Variants in ENOX1 observed in about 807,000 individuals in gnomAD.
ENOX1 encodes the protein candidate growth-related and time keeping constitutive hydroquinone (NADH) oxidase.
A neutral mutation model predicts 82.5 loss-of-function variants in ENOX1; 42 were observed. The ratio of observed to expected loss-of-function variants is 0.51; its 90% CI spans 0.40 to 0.66. ENOX1 has a LOEUF of 0.66. Ranked by LOEUF, ENOX1 falls within the 30% of genes least tolerant of loss-of-function variation. The pLI, the probability that ENOX1 is intolerant of heterozygous loss-of-function variation, is 0.00. For missense variants in ENOX1, 608 were observed against 811.6 expected, an observed-to-expected ratio of 0.75 and a Z score of 3.05; for synonymous variants, 271 against 282.2, an observed-to-expected ratio of 0.96 and a Z score of 0.40.
At chr13:43,335,658 G>A (rs1417454474) in intron 9 of ENOX1, among the ~76,000 whole-genome samples, 1 of 150,290 alleles carries the variant, frequency 6.7e-6, no homozygotes, top group Non-Finnish European at 1.5e-5. Context: ...GTTCCAGAGT[G>A]TAAGACTTGA....
chr13:43,635,210 A>G (rs2083368831), intron 2 of ENOX1, among the ~76,000 whole-genome samples: 1 of 152,220 alleles, frequency 6.6e-6, no homozygotes, highest in Non-Finnish European at 1.5e-5. Flanking sequence ...GGGGTATAAG[A>G]GAAAAACTCT....
At chr13:43,457,318 A>G (rs1420884769) in intron 3 of ENOX1, among the ~76,000 whole-genome samples, 4 of 152,186 alleles carry the variant, frequency 2.6e-5, no homozygotes, top group Non-Finnish European at 5.9e-5. Context: ...TGACAAAATC[A>G]TTTTACTTCT....
chr13:43,651,748 A>G (rs867059221), intron 2 of ENOX1, among the ~76,000 whole-genome samples: 6 of 150,364 alleles, frequency 4.0e-5, no homozygotes, highest in Middle Eastern at 3.4e-3. Flanking sequence ...CACGGTGGGC[A>G]GATCTCTTGA....
At chr13:43,621,513 C>T (rs913734236) in intron 2 of ENOX1, among the ~76,000 whole-genome samples, 1 of 152,248 alleles carries the variant, frequency 6.6e-6, no homozygotes, top group South Asian at 2.1e-4. Flanking sequence ...ATATATAATG[C>T]TTAGTTTCAC....
At chr13:43,670,603 C>CA (rs936433231) in intron 1 of ENOX1, among the ~76,000 whole-genome samples, 8 of 152,106 alleles carry the variant, frequency 5.3e-5, no homozygotes, top group African/African-American at 1.9e-4. Flanking sequence ...CCTGTAATCC[C>CA]AGCACTTTGG....
intron 8 of ENOX1, among the ~76,000 whole-genome samples, chr13:43,348,866 TAAAG>T (rs1175871506): frequency 6.6e-6 from 1 of 152,184 alleles, no homozygotes; most frequent in African/African-American, 2.4e-5. Flanking sequence ...TTCTTCACAA[TAAAG>T]AAAGAAATTG....
intron 10 of ENOX1, among the ~76,000 whole-genome samples, chr13:43,323,476 A>G (rs931486521): frequency 3.3e-5 from 5 of 152,234 alleles, no homozygotes; most frequent in African/African-American, 9.6e-5. Context: ...AGATTAAAGA[A>G]TTACACAGGA....
At chr13:43,449,361 T>G (rs2056831647) in intron 3 of ENOX1, among the ~76,000 whole-genome samples, 1 of 152,186 alleles carries the variant, frequency 6.6e-6, no homozygotes, top group Admixed American at 6.5e-5. Context: ...ACAAGTCAAA[T>G]TTTAGACACT....
intron 2 of ENOX1, among the ~76,000 whole-genome samples, chr13:43,542,099 T>C (rs1441769838): frequency 6.6e-6 from 1 of 152,182 alleles, no homozygotes; most frequent in Non-Finnish European, 1.5e-5. Context: ...ACAGTAGAGA[T>C]GCCAGAGGTC....
intron 2 of ENOX1, among the ~76,000 whole-genome samples, chr13:43,643,623 A>ATG (rs1158154565): frequency 8.7e-4 from 127 of 146,816 alleles, no homozygotes; most frequent in South Asian, 2.9e-3. Context: ...ATATGTATGT[A>ATG]TGTGTGTGTG....
At chr13:43,616,039 T>G (rs1432833564) in intron 2 of ENOX1, among the ~76,000 whole-genome samples, 1 of 145,126 alleles carries the variant, frequency 6.9e-6, no homozygotes. Flanking sequence ...TTGTGAACAG[T>G]GCTGCAATAA....
chr13:43,402,620 G>T (rs9525767), intron 5 of ENOX1, among the ~76,000 whole-genome samples: 54,129 of 152,024 alleles, frequency 0.36, 13,139 homozygotes, highest in East Asian at 0.66. Context: ...CTGTAAACTA[G>T]AAGGCAGGCT....
rs534144473 is a variant in ENOX1, at chr13:43,750,893, G to A, written c.-285+35759C>T. 9.2e-5 allele frequency among the ~76,000 whole-genome samples: 14 copies of A among 152,286 alleles called. No individual in the cohort carries two copies. The East Asian group carries it at 2.5e-3, about 27-fold the overall frequency. ...ATCCTACATATCCTTAATCACTGTA[G>A]TTTAGCATTCATTCTAGTGAGAATA... On this transcript the variant is annotated intron_variant, in intron 1 of 16. Coordinates refer to ENST00000690772, the MANE Select transcript of ENOX1 (RefSeq NM_001347969.2).
chr13:43,665,632 T>C (rs9567243), intron 2 of ENOX1, among the ~76,000 whole-genome samples: 58,706 of 151,654 alleles, frequency 0.39, 14,345 homozygotes, highest in Non-Finnish European at 0.55. Context: ...GGCATGTAAA[T>C]TGGCAGTTCA....
chr13:43,246,458 A>AT (rs1484713173), intron 14 of ENOX1, among the ~76,000 whole-genome samples: 2 of 152,212 alleles, frequency 1.3e-5, no homozygotes, highest in African/African-American at 4.8e-5. Context: ...TTGCATAAAC[A>AT]TGAAAGGAAA....
chr13:43,495,206 T>A (rs932709235), intron 2 of ENOX1, among the ~76,000 whole-genome samples: 2 of 152,186 alleles, frequency 1.3e-5, no homozygotes, highest in Admixed American at 6.5e-5. Flanking sequence ...GTATAATATA[T>A]GGTAAAATGC....
At chr13:43,619,405 T>C (rs2082626288) in intron 2 of ENOX1, among the ~76,000 whole-genome samples, 1 of 152,180 alleles carries the variant, frequency 6.6e-6, no homozygotes, top group Non-Finnish European at 1.5e-5. Flanking sequence ...TGGCTTTTAT[T>C]ACATTAAGGT....
At chr13:43,495,154 A>G (rs924881433) in intron 2 of ENOX1, among the ~76,000 whole-genome samples, 6 of 152,214 alleles carry the variant, frequency 3.9e-5, no homozygotes, top group African/African-American at 1.4e-4. Context: ...CCAAAGATCA[A>G]TAGAGACTAT....
chr13:43,275,842 C>A (rs146756353), intron 12 of ENOX1, among the ~76,000 whole-genome samples: 51 of 152,182 alleles, frequency 3.4e-4, no homozygotes, highest in Admixed American at 1.4e-3. Flanking sequence ...TAAGTCAGGA[C>A]AATACAAAGG....
Sources: allele counts gnomAD v4.1 joint callset (sites outside exome capture counted in the v4.1 genomes callset), GRCh38; gene constraint gnomAD v4.1.1; transcripts MANE v1.5; gene names NCBI Gene and HGNC (gene_info 2026-07-23, HGNC 2026-07-21).